SNTG1: variants seen among roughly 807,000 people sequenced by gnomAD.
SNTG1 encodes the protein gamma-1-syntrophin.
SNTG1 carries 39 observed loss-of-function variants against 74.7 expected under a neutral mutation model. The observed-to-expected ratio is 0.52, with a 90% CI of 0.40 to 0.68. SNTG1 has a LOEUF of 0.68. Ranked by LOEUF, SNTG1 falls within the 30% of genes least tolerant of loss-of-function variation. SNTG1 has a pLI of 0.00. For missense variants in SNTG1, 685 were observed against 609.5 expected (o/e 1.12, Z -1.30); for synonymous variants, 254 against 217.1 (o/e 1.17, Z -1.49).
At chr8:50,451,651 T>C (rs904833167) in intron 8 of SNTG1, among the ~76,000 whole-genome samples, 5 of 152,190 alleles carry the variant, frequency 3.3e-5, no homozygotes, top group African/African-American at 1.2e-4. Flanking sequence ...TTCAGCCAGT[T>C]TGGGAGGGCC....
chr8:50,618,754 A>G (rs1483142488), intron 13 of SNTG1, among the ~76,000 whole-genome samples: 1 of 152,168 alleles, frequency 6.6e-6, no homozygotes, highest in Non-Finnish European at 1.5e-5. Flanking sequence ...GGAGACCTCT[A>G]AATTTTACAG....
intron 18 of SNTG1, among the ~76,000 whole-genome samples, chr8:50,772,785 A>G (rs1423898614): frequency 6.6e-6 from 1 of 152,104 alleles, no homozygotes; most frequent in East Asian, 1.9e-4. Context: ...CCCATAAATA[A>G]ATTAATTCCC....
At position 50,605,994 on chromosome 8, in the gene SNTG1, TC is replaced by T. The variant is rs1441605157; in HGVS notation, c.849+15078del. 2.6e-5 allele frequency among the ~76,000 whole-genome samples: 4 copies of T among 152,328 alleles called. No homozygotes were observed. In the East Asian group the frequency reaches 7.7e-4, roughly 29 times the overall value. ...AATCCCACTTGATCATGGTGAGTGA[TC>T]TTTTTGATGTGTATTTGAATTTCCT... On this transcript the variant is annotated intron_variant, in intron 13 of 18. Coordinates refer to ENST00000642720, the MANE Select transcript of SNTG1 (RefSeq NM_018967.5).
intron 2 of SNTG1, among the ~76,000 whole-genome samples, chr8:50,374,546 A>G (rs1222794161): frequency 6.6e-6 from 1 of 152,198 alleles, no homozygotes; most frequent in African/African-American, 2.4e-5. Flanking sequence ...GCCTCTTCCC[A>G]GACCAGGTAC....
At chr8:50,401,431 C>T (rs528238494) in intron 3 of SNTG1, among the ~76,000 whole-genome samples, 1 of 152,266 alleles carries the variant, frequency 6.6e-6, no homozygotes, top group East Asian at 1.9e-4. Context: ...GAAATCTTTA[C>T]AGTCTGTTTT....
At chr8:50,654,530 A>G (rs2095168634) in intron 13 of SNTG1, among the ~76,000 whole-genome samples, 1 of 152,214 alleles carries the variant, frequency 6.6e-6, no homozygotes. Context: ...AAATTCCAAT[A>G]TCTGAAATGC....
chr8:50,171,535 A>G (rs1222672077), intron 1 of SNTG1, among the ~76,000 whole-genome samples: 1 of 152,102 alleles, frequency 6.6e-6, no homozygotes, highest in Non-Finnish European at 1.5e-5. Flanking sequence ...TCCCCAGCCC[A>G]CTGACTCAAA....
chr8:50,207,450 CT>C (rs1323801613), intron 2 of SNTG1, among the ~76,000 whole-genome samples: 1 of 151,942 alleles, frequency 6.6e-6, no homozygotes, highest in African/African-American at 2.4e-5. Flanking sequence ...TTTGATTCTT[CT>C]CTCTTTTCTT....
intron 4 of SNTG1, among the ~76,000 whole-genome samples, chr8:50,431,584 A>T (rs1436445999): frequency 6.6e-6 from 1 of 152,152 alleles, no homozygotes; most frequent in Non-Finnish European, 1.5e-5. Context: ...TTCCCAGATC[A>T]TATGTTAAGA....
At chr8:50,326,979 C>G (rs1408214243) in intron 2 of SNTG1, among the ~76,000 whole-genome samples, 1 of 151,542 alleles carries the variant, frequency 6.6e-6, no homozygotes. Flanking sequence ...GTTGTTTAAT[C>G]CTCAAGTGTT....
intron 1 of SNTG1, among the ~76,000 whole-genome samples, chr8:50,047,950 G>T (rs114059286): frequency 6.6e-6 from 1 of 151,982 alleles, no homozygotes; most frequent in Non-Finnish European, 1.5e-5. Context: ...TTTAAAATTC[G>T]ATAATCATAC....
intron 1 of SNTG1, among the ~76,000 whole-genome samples, chr8:49,974,704 T>G (rs1812030080): frequency 6.6e-6 from 1 of 151,818 alleles, no homozygotes; most frequent in African/African-American, 2.4e-5. Context: ...TACTTACAGC[T>G]ATAAAATCCA....
chr8:50,240,979 A>G (rs2086139529), intron 2 of SNTG1, among the ~76,000 whole-genome samples: 1 of 152,140 alleles, frequency 6.6e-6, no homozygotes, highest in Non-Finnish European at 1.5e-5. Flanking sequence ...GCCTTAATGT[A>G]ATTAAACCTT....
At chr8:50,385,707 GCTTCTGATGGGCCT>G (rs2092563472) in intron 2 of SNTG1, among the ~76,000 whole-genome samples, 1 of 152,152 alleles carries the variant, frequency 6.6e-6, no homozygotes, top group Non-Finnish European at 1.5e-5. Flanking sequence ...AAAGCAAACT[GCTTCTGATGGGCCT>G]TATGGACAGG....
intron 2 of SNTG1, among the ~76,000 whole-genome samples, chr8:50,373,895 C>T (rs765747641): frequency 2.0e-5 from 3 of 152,148 alleles, no homozygotes; most frequent in Non-Finnish European, 4.4e-5. Flanking sequence ...CCCACCAACA[C>T]CTTTACTCCA....
chr8:49,999,984 A>AT (rs1162170323), intron 1 of SNTG1, among the ~76,000 whole-genome samples: 1 of 152,188 alleles, frequency 6.6e-6, no homozygotes, highest in African/African-American at 2.4e-5. Context: ...GTTGAATTGA[A>AT]TAATTGTATC....
At chr8:49,963,239 A>T (rs1404643480) in intron 1 of SNTG1, among the ~76,000 whole-genome samples, 1 of 152,180 alleles carries the variant, frequency 6.6e-6, no homozygotes, top group Non-Finnish European at 1.5e-5. Context: ...GCGCCAAGAC[A>T]TCTACCCACA....
chr8:50,722,938 C>T (rs1563781762), intron 17 of SNTG1, among the ~76,000 whole-genome samples: 1 of 152,132 alleles, frequency 6.6e-6, no homozygotes, highest in Non-Finnish European at 1.5e-5. Flanking sequence ...TATCTTAAAT[C>T]CATTAACACT....
At chr8:50,644,470 C>T (rs1234653885) in intron 13 of SNTG1, 1 of 152,124 alleles carries the variant, frequency 6.6e-6, no homozygotes, top group African/African-American at 2.4e-5. Context: ...AATATATTTT[C>T]TCTTCATGAT....
Sources: gnomAD v4.1 joint callset for allele counts (sites outside exome capture counted in the v4.1 genomes callset) on GRCh38, gnomAD v4.1.1 for gene constraint, MANE v1.5 for transcripts, NCBI Gene and HGNC (gene_info 2026-07-23, HGNC 2026-07-21) for gene names.